The following RAB38 variants were observed in gnomAD, a reference collection of about 807,000 sequenced individuals.
RAB38 encodes ras-related protein Rab-38.
In RAB38, 15 loss-of-function variants were observed where a neutral mutation model predicts 18.4. The observed-to-expected ratio is 0.82, with a 90% CI of 0.55 to 1.26. The LOEUF is 1.26. RAB38 is among the 50% of genes most tolerant of loss of function. RAB38 has a pLI of 0.00. For synonymous variants in RAB38, 101 were observed against 104.4 expected (o/e 0.97, Z 0.20); for missense variants, 294 against 267.4 (o/e 1.10, Z -0.69).
chr11:88,140,059 T>C (rs1475802679), intron 2 of RAB38, among the ~76,000 whole-genome samples: 2 of 152,224 alleles, frequency 1.3e-5, no homozygotes, highest in African/African-American at 4.8e-5. Flanking sequence ...ATGACTTGCA[T>C]AATTCGGTGC....
At chr11:87,823,031 G>A in the RAB38 span, among the ~76,000 whole-genome samples, 1 of 152,080 alleles carries the variant, frequency 6.6e-6, no homozygotes, top group Non-Finnish European at 1.5e-5. Flanking sequence ...TGACATCACA[G>A]CCTCAAAGTA....
the RAB38 span, among the ~76,000 whole-genome samples, chr11:88,085,129 A>G: frequency 4.6e-5 from 7 of 151,886 alleles, no homozygotes; most frequent in Non-Finnish European, 8.8e-5. Flanking sequence ...ACAAACTTAG[A>G]TAAAAAGAAG....
At chr11:87,945,204 A>G in the RAB38 span, among the ~76,000 whole-genome samples, 1 of 152,140 alleles carries the variant, frequency 6.6e-6, no homozygotes, top group African/African-American at 2.4e-5. Context: ...TTTGTATTGT[A>G]TCTGATTATG....
chr11:88,094,147 A>C, the RAB38 span, among the ~76,000 whole-genome samples: 524 of 152,010 alleles, frequency 3.4e-3, 11 homozygotes, highest in Non-Finnish European at 8.8e-4. Flanking sequence ...TAATACATAC[A>C]TGAACATACG....
At chr11:87,904,956 T>G in the RAB38 span, among the ~76,000 whole-genome samples, 1 of 151,758 alleles carries the variant, frequency 6.6e-6, no homozygotes, top group Admixed American at 6.6e-5. Flanking sequence ...CTTTACATAT[T>G]TTTCCACCAT....
At chr11:87,888,476 T>C in the RAB38 span, among the ~76,000 whole-genome samples, 1 of 152,088 alleles carries the variant, frequency 6.6e-6, no homozygotes, top group East Asian at 2.0e-4. Flanking sequence ...ATCTGGAACA[T>C]TCATACTTTC....
chr11:88,122,140 C>T (rs767003182), intron 2 of RAB38, among the ~76,000 whole-genome samples: 3 of 152,088 alleles, frequency 2.0e-5, no homozygotes, highest in African/African-American at 7.2e-5. Flanking sequence ...GACCCCATAA[C>T]CTTAATACGA....
the RAB38 span, among the ~76,000 whole-genome samples, chr11:87,973,454 T>TGA: frequency 1.3e-5 from 2 of 150,372 alleles, no homozygotes; most frequent in Non-Finnish European, 3.0e-5. Flanking sequence ...AGCTTTGAAA[T>TGA]GAGAGAAGCA....
At chr11:88,169,544 A>G (rs1242967062) in intron 1 of RAB38, among the ~76,000 whole-genome samples, 2 of 152,200 alleles carry the variant, frequency 1.3e-5, no homozygotes, top group African/African-American at 4.8e-5. Context: ...GGATATAGGC[A>G]TAGTTTTAAA....
At chr11:88,027,659 G>A in the RAB38 span, among the ~76,000 whole-genome samples, 11 of 131,548 alleles carry the variant, frequency 8.4e-5, no homozygotes, top group Middle Eastern at 3.6e-3. Flanking sequence ...AGGCGGCAGC[G>A]AGGCTGGGGG....
At chr11:88,048,333 A>G in the RAB38 span, among the ~76,000 whole-genome samples, 5 of 152,106 alleles carry the variant, frequency 3.3e-5, no homozygotes, top group African/African-American at 7.2e-5. Context: ...ATACAGTCCT[A>G]TAACAGACTG....
intron 2 of RAB38, among the ~76,000 whole-genome samples, chr11:88,122,553 T>C (rs1942643769): frequency 6.6e-6 from 1 of 152,206 alleles, no homozygotes; most frequent in African/African-American, 2.4e-5. Flanking sequence ...GAACACTTTA[T>C]TATTGAACAC....
At chr11:88,146,854 G>A (rs1461659838) in intron 2 of RAB38, among the ~76,000 whole-genome samples, 1 of 152,178 alleles carries the variant, frequency 6.6e-6, no homozygotes, top group Non-Finnish European at 1.5e-5. Flanking sequence ...ATATTAGCTT[G>A]TGAAATCTCA....
At chr11:87,869,479 T>C in the RAB38 span, among the ~76,000 whole-genome samples, 7 of 151,686 alleles carry the variant, frequency 4.6e-5, no homozygotes, top group African/African-American at 1.7e-4. Flanking sequence ...ATCTGTATCC[T>C]GTAAACAGGT....
At chr11:87,957,036 A>G in the RAB38 span, among the ~76,000 whole-genome samples, 2 of 151,862 alleles carry the variant, frequency 1.3e-5, no homozygotes, top group East Asian at 1.9e-4. Flanking sequence ...CACATAAAAC[A>G]TTGTTAAATC....
chr11:88,143,938 T>C (rs775553679), intron 2 of RAB38, among the ~76,000 whole-genome samples: 11 of 152,222 alleles, frequency 7.2e-5, no homozygotes, highest in African/African-American at 2.7e-4. Context: ...AGATAAAATA[T>C]TGTTATTAAT....
At chr11:88,028,600 G>A in the RAB38 span, among the ~76,000 whole-genome samples, 13 of 152,260 alleles carry the variant, frequency 8.5e-5, no homozygotes, top group East Asian at 1.9e-4. Flanking sequence ...CTCAGGAGCC[G>A]ATGCGATCAA....
At chr11:88,099,150 A>T in the RAB38 span, among the ~76,000 whole-genome samples, 1 of 151,968 alleles carries the variant, frequency 6.6e-6, no homozygotes, top group African/African-American at 2.4e-5. Flanking sequence ...ACTATATTTG[A>T]TCCTTAAAAA....
the RAB38 span, among the ~76,000 whole-genome samples, chr11:87,958,747 T>C: frequency 6.6e-6 from 1 of 152,212 alleles, no homozygotes; most frequent in Non-Finnish European, 1.5e-5. Flanking sequence ...TAATAAGCAC[T>C]ATTCTTGAAC....
Sources: allele counts gnomAD v4.1 joint callset (sites outside exome capture counted in the v4.1 genomes callset), GRCh38; gene constraint gnomAD v4.1.1; transcripts MANE v1.5; gene names NCBI Gene and HGNC (gene_info 2026-07-23, HGNC 2026-07-21).